The following WDFY3 variants were observed in gnomAD, a reference collection of about 807,000 sequenced individuals.
The protein encoded by WDFY3 is WD repeat and FYVE domain-containing protein 3.
WDFY3 carries 66 observed loss-of-function variants against 409.6 expected under a neutral mutation model. The observed-to-expected ratio is 0.16, with a 90% CI of 0.13 to 0.20. WDFY3 has a LOEUF of 0.20. WDFY3 is among the 10% of genes least tolerant of loss of function. The probability of loss-of-function intolerance (pLI) is 1.00; values close to 1 mark genes in which losing one functional copy is unlikely to be tolerated. For synonymous variants in WDFY3, 1,521 were observed against 1,537.1 expected, an observed-to-expected ratio of 0.99 and a Z score of 0.25; for missense variants, 3,031 against 4,298.1, an observed-to-expected ratio of 0.71 and a Z score of 8.24.
intron 1 of WDFY3, among the ~76,000 whole-genome samples, chr4:84,960,443 G>A (rs1041738158): frequency 6.6e-6 from 1 of 152,154 alleles, no homozygotes; most frequent in Non-Finnish European, 1.5e-5. Context: ...ATCATGATAA[G>A]GACCTTGAAT....
chr4:84,779,481 C>T (rs932650033), intron 26 of WDFY3, among the ~76,000 whole-genome samples: 6 of 151,484 alleles, frequency 4.0e-5, no homozygotes, highest in African/African-American at 1.2e-4. Flanking sequence ...GGCGCAATCT[C>T]GGCTTACTGC....
At chr4:84,881,503 T>C (rs1235053597) in intron 3 of WDFY3, among the ~76,000 whole-genome samples, 1 of 152,116 alleles carries the variant, frequency 6.6e-6, no homozygotes. Flanking sequence ...TCCTTTTATT[T>C]TGAGGGCTGA....
At chr4:84,895,690 TTAA>T (rs1275395384) in intron 3 of WDFY3, among the ~76,000 whole-genome samples, 7 of 152,192 alleles carry the variant, frequency 4.6e-5, no homozygotes, top group Non-Finnish European at 7.3e-5. Flanking sequence ...TAGATGTATC[TTAA>T]TGATGCTTTC....
chr4:84,778,702 A>G (rs1236003013), intron 26 of WDFY3, 47 bp from the exon 27 acceptor site: 32 of 1,572,442 alleles, frequency 2.0e-5, no homozygotes, highest in Non-Finnish European at 2.8e-5. Flanking sequence ...CATCATATAT[A>G]TTCATTACAC....
At chr4:84,713,564 C>G (rs1028221946) in intron 50 of WDFY3, among the ~76,000 whole-genome samples, 1 of 152,108 alleles carries the variant, frequency 6.6e-6, no homozygotes, top group Admixed American at 6.5e-5. Context: ...TTTGAAGAAC[C>G]ACCCTCATTT....
In WDFY3 at chr4:84,672,025, A is replaced by T. The variant is rs889649489; in HGVS notation, c.*843T>A. On this transcript the variant is annotated 3_prime_UTR_variant, in exon 68 of 68. Coordinates refer to ENST00000295888, the MANE Select transcript of WDFY3 (RefSeq NM_014991.6). ...AATGCTAAGAAGGTATTCTTTGACCAAACAGCAGTCCACATACAAGTTTAA... is the reference window on the plus strand; with the variant it reads ...AATGCTAAGAAGGTATTCTTTGACCTAACAGCAGTCCACATACAAGTTTAA... The T allele has an allele frequency of 6.6e-6, 1 of 152,250 alleles. No homozygotes were observed. Among genetic ancestry groups the T allele is most frequent in the African/African-American group, 2.4e-5 (1 of 41,468 alleles). 9.4% of individuals were successfully genotyped at this position (152,250 alleles called of 1,614,324 possible).
chr4:84,953,945 T>C (rs560562007), intron 1 of WDFY3, among the ~76,000 whole-genome samples: 2 of 152,272 alleles, frequency 1.3e-5, no homozygotes, highest in Non-Finnish European at 1.5e-5. Context: ...TAAGTGTCCA[T>C]AGCACTTCTG....
intron 5 of WDFY3, among the ~76,000 whole-genome samples, chr4:84,846,779 T>C (rs1322748408): frequency 2.0e-5 from 3 of 151,566 alleles, no homozygotes; most frequent in Non-Finnish European, 4.4e-5. Context: ...ATTTTGGATA[T>C]TAAAATAGCA....
intron 33 of WDFY3, 32 bp from the exon 34 acceptor site, chr4:84,755,432 A>G (rs1395253644): frequency 6.3e-7 from 1 of 1,575,428 alleles, no homozygotes; most frequent in Non-Finnish European, 8.6e-7. Flanking sequence ...AATATTAGCC[A>G]CCACTAATTT....
intron 1 of WDFY3, among the ~76,000 whole-genome samples, chr4:84,941,916 G>C (rs1338791635): frequency 6.6e-6 from 1 of 151,870 alleles, no homozygotes; most frequent in South Asian, 2.1e-4. Context: ...ATTTAATAGG[G>C]AAGGAAAAAT....
At chr4:84,915,471 TA>T (rs1265680145) in intron 2 of WDFY3, among the ~76,000 whole-genome samples, 1 of 152,156 alleles carries the variant, frequency 6.6e-6, no homozygotes, top group African/African-American at 2.4e-5. Context: ...TCAAAGTATA[TA>T]TTCAGCATTA....
intron 3 of WDFY3, among the ~76,000 whole-genome samples, chr4:84,875,335 A>C (rs1471614928): frequency 6.6e-6 from 1 of 151,984 alleles, no homozygotes; most frequent in African/African-American, 2.4e-5. Context: ...CTGTAGAAAG[A>C]TAAAAAATGG....
At chr4:84,823,295 T>C (rs1560851034) in intron 10 of WDFY3, among the ~76,000 whole-genome samples, 1 of 152,094 alleles carries the variant, frequency 6.6e-6, no homozygotes, top group South Asian at 2.1e-4. Flanking sequence ...TAACTTAAAA[T>C]GTACCATAGA....
chr4:84,710,041 C>A (rs995406516), intron 51 of WDFY3, among the ~76,000 whole-genome samples: 3 of 152,028 alleles, frequency 2.0e-5, no homozygotes, highest in African/African-American at 7.2e-5. Flanking sequence ...TTTTTAAAAC[C>A]ATTTTATAAT....
At chr4:84,961,134 G>C (rs1774865017) in intron 1 of WDFY3, among the ~76,000 whole-genome samples, 1 of 150,764 alleles carries the variant, frequency 6.6e-6, no homozygotes, top group South Asian at 2.1e-4. Context: ...AGAATCGCTT[G>C]AACCCGAGAG....
At chr4:84,786,288 C>T (rs189152932) in intron 23 of WDFY3, 149 bp from the exon 24 acceptor site, 1 of 738,532 alleles carries the variant, frequency 1.4e-6, no homozygotes, top group Admixed American at 3.6e-5. Context: ...CTTCTCAGCT[C>T]TTCATTTATT....
intron 32 of WDFY3, among the ~76,000 whole-genome samples, chr4:84,762,547 G>T (rs1742838966): frequency 6.6e-6 from 1 of 151,506 alleles, no homozygotes; most frequent in African/African-American, 2.4e-5. Context: ...ACACCAGCAT[G>T]TCACATGTAT....
At chr4:84,685,165 G>A (rs1456487480) in intron 62 of WDFY3, among the ~76,000 whole-genome samples, 1 of 152,160 alleles carries the variant, frequency 6.6e-6, no homozygotes, top group African/African-American at 2.4e-5. Flanking sequence ...AGTACCCTCA[G>A]GAGATATATA....
chr4:84,910,874 T>A (rs901025226), intron 2 of WDFY3, among the ~76,000 whole-genome samples: 6 of 150,612 alleles, frequency 4.0e-5, no homozygotes, highest in African/African-American at 1.5e-4. Context: ...TCTGGCTAAT[T>A]TTTTTCTGTA....
Sources: gnomAD v4.1 joint callset for allele counts (sites outside exome capture counted in the v4.1 genomes callset) on GRCh38, gnomAD v4.1.1 for gene constraint, MANE v1.5 for transcripts, NCBI Gene and HGNC (gene_info 2026-07-23, HGNC 2026-07-21) for gene names.